Variants in CT45A10 observed in about 807,000 individuals in gnomAD.
CT45A10 encodes the protein cancer/testis antigen family 45 member A10.
In CT45A10, 19 loss-of-function variants were observed where a neutral mutation model predicts 8.3. The ratio of observed to expected loss-of-function variants is 2.30; its 90% CI spans 1.61 to 3.38. CT45A10 has a LOEUF of 3.38. Ranked by LOEUF, CT45A10 falls within the 30% of genes most tolerant of loss-of-function variation. CT45A10 has a pLI of 0.00. For missense variants in CT45A10, 149 were observed against 85.9 expected (o/e 1.73, Z -2.90); for synonymous variants, 28 against 26.5 (o/e 1.06, Z -0.17).
chrX:135,892,252 C>A (rs1299653739), intron 1 of CT45A10, among the ~76,000 whole-genome samples: 4 of 111,136 alleles, frequency 3.6e-5, no homozygotes, highest in African/African-American at 1.3e-4. Flanking sequence ...GCCCAAAAAA[C>A]AATCAAAAAT....
In CT45A10 at chrX:135,883,005, T is replaced by G. The variant is rs2088400271; in HGVS notation, c.418+3A>C. 8.4e-7 allele frequency: 1 copy of G among 1,196,501 alleles called. No homozygotes were observed. Among genetic ancestry groups the G allele is most frequent in the Non-Finnish European group, 1.1e-6 (1 of 884,933 alleles). Reference sequence around the variant, plus strand: ...ATAAAACAGACGTTCTTACACTACTTACTTCGTCCAAGGCATCGGATTTCC... The same window carrying G: ...ATAAAACAGACGTTCTTACACTACTGACTTCGTCCAAGGCATCGGATTTCC... On this transcript the variant is annotated splice_donor_region_variant and intron_variant, in intron 3 of 4. Coordinates refer to ENST00000682849, the MANE Select transcript of CT45A10 (RefSeq NM_001291529.2).
At chrX:135,891,415 T>G (rs1478381882) in intron 1 of CT45A10, among the ~76,000 whole-genome samples, 1 of 107,515 alleles carries the variant, frequency 9.3e-6, no homozygotes, top group Non-Finnish European at 1.9e-5. Context: ...ATATAATATT[T>G]TATATATATA....
intron 3 of CT45A10, 49 bp from the exon 4 acceptor site, chrX:135,882,678 A>T: frequency 9.3e-7 from 1 of 1,073,950 alleles, no homozygotes; most frequent in Non-Finnish European, 1.3e-6. Context: ...ATAAAGAAGA[A>T]TAGAAGTGAA....
chrX:135,893,207 C>T (rs1556591029), intron 1 of CT45A10, among the ~76,000 whole-genome samples, 138 bp downstream of exon 1: 2 of 111,207 alleles, frequency 1.8e-5, no homozygotes, highest in African/African-American at 3.3e-5. Context: ...AGTGGAGCCA[C>T]TTTCCCAGGG....
At chrX:135,889,493 A>G (rs2088477669) in intron 1 of CT45A10, among the ~76,000 whole-genome samples, 1 of 109,724 alleles carries the variant, frequency 9.1e-6, no homozygotes, top group East Asian at 2.9e-4. Flanking sequence ...AAAAAAAAAG[A>G]AAGAAAGAAA....
chrX:135,882,908 G>A (rs1305845109), intron 3 of CT45A10, 100 bp downstream of exon 3: 1 of 1,014,417 alleles, frequency 9.9e-7, no homozygotes, highest in East Asian at 3.1e-5. Context: ...TCTCAACTCT[G>A]GCAAAGAATG....
At chrX:135,887,646 A>T (rs1459153559) in intron 1 of CT45A10, among the ~76,000 whole-genome samples, 15,425 of 89,168 alleles carry the variant, frequency 0.17, 157 homozygotes, top group Non-Finnish European at 0.21. Flanking sequence ...AAATGGTGCT[A>T]AAAAAAAAAA....
intron 1 of CT45A10, among the ~76,000 whole-genome samples, chrX:135,889,432 T>A (rs184335721): frequency 1.5e-3 from 162 of 104,677 alleles, no homozygotes; most frequent in African/African-American, 5.5e-3. Context: ...TGAGCCAAGA[T>A]CGTGCCAGTG....
intron 1 of CT45A10, among the ~76,000 whole-genome samples, chrX:135,887,551 A>AT (rs2088441654): frequency 1.0e-5 from 1 of 95,947 alleles, no homozygotes; most frequent in East Asian, 3.4e-4. Flanking sequence ...CATTTTTAAA[A>AT]TACAAACATC....
chrX:135,883,043 C>G lies in CT45A10; in HGVS notation c.383G>C (p.Cys128Ser). The change falls in exon 3 of 5, where the codon TGT becomes TCT. Residue 128 changes from cysteine (C) to serine (S), a missense_variant. Cys to Ser is a moderately radical substitution (Grantham distance 112, BLOSUM62 -1). Coordinates refer to ENST00000682849, the MANE Select transcript of CT45A10 (RefSeq NM_001291529.2). The part of the protein sequence containing the change: ...SQQEINADIK[C>S]QVVKEIRCLG... The stretch of plus-strand genomic sequence containing the variant: ...GCATCGGATTTCCTTCACTACTTGA[C>G]ATTTTATATCAGCATTAATTTCTTG... 8.3e-7 allele frequency: 1 copy of G among 1,198,580 alleles called. No homozygotes were observed. Among genetic ancestry groups the G allele is most frequent in the Non-Finnish European group, 1.1e-6 (1 of 885,651 alleles).
chrX:135,883,286 T>A (rs1474571499), intron 2 of CT45A10, 30 bp from the exon 3 acceptor site: 1 of 1,195,500 alleles, frequency 8.4e-7, no homozygotes, highest in Non-Finnish European at 1.1e-6. Flanking sequence ...GTAAAAGCCA[T>A]CAGTTGGTGT....
At position 135,883,026 on chromosome X, in the gene CT45A10, T is replaced by G. The variant is rs1188484206; in HGVS notation, c.400A>C (p.Ile134Leu). ...ADIKCQVVKE[I>L]RCLGRKYEKI... ...TACTTACTTCGTCCAAGGCATCGGA[T>G]TTCCTTCACTACTTGACATTTTATA... is the stretch of plus-strand genomic sequence containing the variant. Residue 134 changes from isoleucine to leucine, a missense_variant, in exon 3 of 5, where the codon ATC becomes CTC. Ile to Leu is a conservative substitution (Grantham distance 5). Coordinates refer to ENST00000682849, the MANE Select transcript of CT45A10 (RefSeq NM_001291529.2). 7 of 1,197,054 alleles carry G rather than the reference T, an allele frequency of 5.8e-6. 1 individual carries two copies. The highest frequency in any genetic ancestry group is 2.3e-4 in the Middle Eastern group (1 of 4,315).
At chrX:135,889,488 AAAAG>A (rs1324540286) in intron 1 of CT45A10, among the ~76,000 whole-genome samples, 4 of 95,957 alleles carry the variant, frequency 4.2e-5, no homozygotes, top group Admixed American at 3.4e-4. Flanking sequence ...AAAAAAAAAA[AAAAG>A]AAAGAAAGAA....
intron 2 of CT45A10, 106 bp from the exon 3 acceptor site, chrX:135,883,362 G>C (rs1247900019): frequency 1.7e-6 from 2 of 1,172,283 alleles, no homozygotes; most frequent in Non-Finnish European, 2.3e-6. Context: ...AAACTGAGAA[G>C]TTGAGCTGTG....
In CT45A10 at chrX:135,883,146, C is replaced by T; in HGVS notation, c.280G>A (p.Val94Met). The T allele has an allele frequency of 8.3e-7, 1 of 1,198,957 alleles. No individual in the cohort carries two copies. The highest frequency in any genetic ancestry group is 3.0e-5 in the East Asian group (1 of 33,655). Residue 94 changes from valine to methionine, a missense_variant, in exon 3 of 5, where the codon GTG becomes ATG. Transcript: ENST00000682849. ...AAATTGCTGGTAACGTTTCCTCCCA[C>T]AGGTGCATTGCTACCAGGTTTCTGC... Reference protein sequence around the residue: ...MMQKPGSNAPVGGNVTSNFSG... With the variant: ...MMQKPGSNAPMGGNVTSNFSG...
Position 135,883,120 on chromosome X carries a change from G to T in CT45A10, c.306C>A (p.Phe102Leu), listed in dbSNP as rs1479078625. Residue 102 changes from phenylalanine to leucine, a missense_variant, in exon 3 of 5, where the codon TTC becomes TTA. Phe to Leu is a conservative substitution (Grantham distance 22, BLOSUM62 0). Coordinates refer to ENST00000682849, the MANE Select transcript of CT45A10 (RefSeq NM_001291529.2). ...APVGGNVTSN[F>L]SGDDLECRGI... ...CTCTGCATTCTAGGTCATCTCCAGA[G>T]AAATTGCTGGTAACGTTTCCTCCCA... The T allele has an allele frequency of 4.0e-5, 48 of 1,197,514 alleles. 2 individuals are homozygous for T. The highest frequency in any genetic ancestry group is 5.4e-5 in the Non-Finnish European group (48 of 885,776).
chrX:135,889,393 C>T (rs180774047), intron 1 of CT45A10: 2 of 108,152 alleles, frequency 1.8e-5, no homozygotes, highest in African/African-American at 3.4e-5. Context: ...GTGGGAGGAT[C>T]GCTTGAACCC....
rs1460981587 is a variant in CT45A10, at chrX:135,883,268, A to C, written c.170-12T>G. 33 of 1,192,579 alleles carry C rather than the reference A, an allele frequency of 2.8e-5. No homozygotes were observed. The highest frequency in any genetic ancestry group is 6.0e-5 in the East Asian group (2 of 33,501). ...TCCTGTCATAAGCTCTGGTGAAACA[A>C]ATTTTGAGTAAAAGCCATCAGTTGG... On this transcript the variant is annotated splice_polypyrimidine_tract_variant and intron_variant, in intron 2 of 4. Coordinates refer to ENST00000682849, the MANE Select transcript of CT45A10 (RefSeq NM_001291529.2).
Position 135,883,254 on chromosome X carries a change from G to A in CT45A10, c.172C>T (p.Leu58Phe). ...AGSAMSKEKK[L>F]MTGHAIPPSQ... The stretch of plus-strand genomic sequence containing the variant: ...GGTGGAATAGCATGTCCTGTCATAA[G>A]CTCTGGTGAAACAAATTTTGAGTAA... The change falls in exon 3 of 5, where the codon CTT becomes TTT. Residue 58 changes from leucine to phenylalanine, a missense_variant and splice_region_variant. Coordinates refer to ENST00000682849, the MANE Select transcript of CT45A10 (RefSeq NM_001291529.2). 1.7e-6 allele frequency: 2 copies of A among 1,196,527 alleles called. No homozygotes were observed. Among genetic ancestry groups the A allele is most frequent in the South Asian group, 3.6e-5 (2 of 55,897 alleles).
Sources: allele counts gnomAD v4.1 joint callset (sites outside exome capture counted in the v4.1 genomes callset), GRCh38; gene constraint gnomAD v4.1.1; transcripts MANE v1.5; gene names NCBI Gene and HGNC (gene_info 2026-07-23, HGNC 2026-07-21).